MBOAT1: variants seen among roughly 807,000 people sequenced by gnomAD.
MBOAT1 encodes the protein membrane-bound glycerophospholipid O-acyltransferase 1.
Under a neutral mutation model 64.4 loss-of-function variants are expected in MBOAT1, and 67 were observed. The ratio of observed to expected loss-of-function variants is 1.04; its 90% CI spans 0.85 to 1.27. MBOAT1 has a LOEUF of 1.27. Among genes scored for constraint, MBOAT1 ranks in the 50% most tolerant of loss-of-function variants. The pLI, the probability that MBOAT1 is intolerant of heterozygous loss-of-function variation, is 0.00. For missense variants in MBOAT1, 563 were observed against 604.6 expected (o/e 0.93, Z 0.72); for synonymous variants, 229 against 218.9 (o/e 1.05, Z -0.41).
intron 11 of MBOAT1, among the ~76,000 whole-genome samples, chr6:20,111,463 C>G (rs1760134958): frequency 6.6e-6 from 1 of 152,252 alleles, no homozygotes; most frequent in South Asian, 2.1e-4. Context: ...ACTGTTCTAT[C>G]AACTCTCTCC....
intron 8 of MBOAT1, among the ~76,000 whole-genome samples, chr6:20,120,305 T>G (rs1257796369): frequency 2.0e-5 from 3 of 152,190 alleles, no homozygotes; most frequent in African/African-American, 7.2e-5. Context: ...ATGTGTGCAG[T>G]GGACAGCTCA....
At chr6:20,192,991 A>ATTTT (rs1238333593) in intron 1 of MBOAT1, among the ~76,000 whole-genome samples, 22 of 59,828 alleles carry the variant, frequency 3.7e-4, no homozygotes, top group Admixed American at 6.5e-4. Context: ...GTATGCTATA[A>ATTTT]TTTCTTTTTT....
intron 1 of MBOAT1, among the ~76,000 whole-genome samples, chr6:20,175,967 T>C (rs1282679503): frequency 1.3e-5 from 2 of 152,150 alleles, no homozygotes; most frequent in Non-Finnish European, 2.9e-5. Context: ...AGAAACAGTA[T>C]CACCTGCTGA....
chr6:20,210,143 C>A (rs1327665), intron 1 of MBOAT1, among the ~76,000 whole-genome samples: 58,485 of 151,956 alleles, frequency 0.38, 13,189 homozygotes, highest in Non-Finnish European at 0.51. Flanking sequence ...CATTTCACAT[C>A]ATATAAAATT....
chr6:20,118,397 T>C (rs1316257789), intron 9 of MBOAT1, 40 bp downstream of exon 9: 1 of 1,497,934 alleles, frequency 6.7e-7, no homozygotes, highest in Non-Finnish European at 9.3e-7. Context: ...ATCATTTGCT[T>C]TCTTCACTAT....
chr6:20,152,367 T>TAATA (rs1561765775), intron 2 of MBOAT1, among the ~76,000 whole-genome samples: 129 of 90,344 alleles, frequency 1.4e-3, no homozygotes, highest in African/African-American at 3.6e-3. Flanking sequence ...ATAAATAAAT[T>TAATA]AATTAATTAA....
intron 1 of MBOAT1, among the ~76,000 whole-genome samples, chr6:20,208,057 G>A (rs1236768354): frequency 6.6e-6 from 1 of 152,134 alleles, no homozygotes. Context: ...AGCTTTTAAT[G>A]AAGGACAAGA....
chr6:20,130,952 T>C (rs1760806538), intron 5 of MBOAT1, among the ~76,000 whole-genome samples, 192 bp downstream of exon 5: 1 of 152,208 alleles, frequency 6.6e-6, no homozygotes, highest in Non-Finnish European at 1.5e-5. Flanking sequence ...AGACTGCCGA[T>C]TCTGCAGGAA....
At position 20,211,997 on chromosome 6, in the gene MBOAT1, CACACACAA is replaced by C. The variant is rs1259063725; in HGVS notation, c.99+131_99+138del. 65 of 675,030 alleles carry C rather than the reference CACACACAA, an allele frequency of 9.6e-5. No homozygotes were observed. The African/African-American group carries it at 1.1e-3, about 12-fold the overall frequency. The allele number at this position is 675,030 out of a possible 1,614,324, so 41.8% of individuals were successfully genotyped here. A position where few individuals can be genotyped will look rare whatever the true frequency, so the allele number is the denominator to read the frequency against. ...ACACACACACACACACACACACACACACACACAAAAACCAACTGTCTAGTGTGTGGCTG... is the reference window on the plus strand; with the variant it reads ...ACACACACACACACACACACACACACAAACCAACTGTCTAGTGTGTGGCTG... On this transcript the variant is annotated intron_variant, in intron 1 of 12. Transcript: ENST00000324607.
At chr6:20,152,792 A>G (rs781326355) in intron 1 of MBOAT1, 23 bp from the exon 2 acceptor site, 6 of 1,590,002 alleles carry the variant, frequency 3.8e-6, no homozygotes, top group Non-Finnish European at 5.1e-6. Context: ...AAGAGAAAAT[A>G]AAAACCTTTG....
chr6:20,201,151 GTC>G (rs1763112281), intron 1 of MBOAT1, among the ~76,000 whole-genome samples: 1 of 152,136 alleles, frequency 6.6e-6, no homozygotes, highest in South Asian at 2.1e-4. Context: ...TTATTCTTTG[GTC>G]TCTCAGCTCC....
intron 8 of MBOAT1, 135 bp from the exon 9 acceptor site, chr6:20,118,675 T>G: frequency 3.1e-6 from 2 of 645,024 alleles, no homozygotes; most frequent in Non-Finnish European, 5.3e-6. Context: ...CCCCAAAATG[T>G]AAAGGACCTG....
intron 10 of MBOAT1, among the ~76,000 whole-genome samples, chr6:20,114,284 T>C (rs951944572): frequency 1.3e-5 from 2 of 152,210 alleles, no homozygotes; most frequent in Admixed American, 6.5e-5. Context: ...TTGTATACTC[T>C]CCCTGTATTC....
intron 12 of MBOAT1, among the ~76,000 whole-genome samples, chr6:20,109,217 C>T (rs777457583): frequency 3.3e-5 from 5 of 152,166 alleles, no homozygotes; most frequent in Non-Finnish European, 5.9e-5. Context: ...CTCCTGCCTC[C>T]ATTTCTGTCC....
intron 12 of MBOAT1, among the ~76,000 whole-genome samples, chr6:20,106,583 C>T (rs1759962899): frequency 6.6e-6 from 1 of 152,144 alleles, no homozygotes; most frequent in Admixed American, 6.5e-5. Context: ...CCACCATGCC[C>T]AGCTACTTTT....
At chr6:20,150,627 A>G (rs1463236610) in intron 3 of MBOAT1, among the ~76,000 whole-genome samples, 9 of 149,748 alleles carry the variant, frequency 6.0e-5, no homozygotes, top group East Asian at 5.8e-4. Flanking sequence ...TTGTAGCACA[A>G]TCTTGGCCCA....
rs140039916 is a variant in MBOAT1 at position 20,157,966 on chromosome 6, G to T, written c.100-5197C>A. ...AGGTCAGGAGTTTGAGACCAGCCTG[G>T]CCAACATGACGAAACCCTGTGTCTA... On this transcript the variant is annotated intron_variant, in intron 1 of 12. Transcript: ENST00000324607. Among the ~76,000 whole-genome samples the T allele has an allele frequency of 3.4e-3, 516 of 152,040 alleles. 3 individuals are homozygous for T. The highest frequency in any genetic ancestry group is 0.012 in the African/African-American group (499 of 41,464).
intron 1 of MBOAT1, among the ~76,000 whole-genome samples, chr6:20,177,227 T>A (rs1443280255): frequency 6.6e-6 from 1 of 152,174 alleles, no homozygotes; most frequent in Non-Finnish European, 1.5e-5. Context: ...TCCTGGTTCA[T>A]TTTCTTAAGC....
chr6:20,156,939 T>C (rs552852892), intron 1 of MBOAT1, among the ~76,000 whole-genome samples: 1 of 152,196 alleles, frequency 6.6e-6, no homozygotes, highest in Admixed American at 6.5e-5. Flanking sequence ...ACAGGCAACC[T>C]ACAGAATGGG....
Sources: allele counts gnomAD v4.1 joint callset (sites outside exome capture counted in the v4.1 genomes callset), GRCh38; gene constraint gnomAD v4.1.1; transcripts MANE v1.5; gene names NCBI Gene and HGNC (gene_info 2026-07-23, HGNC 2026-07-21).